The following KLRF2 variants were observed in gnomAD, a reference collection of about 807,000 sequenced individuals.
KLRF2 encodes the protein killer cell lectin like receptor F2, also known as killer cell lectin-like receptor subfamily F member 2.
A neutral mutation model predicts 25.3 loss-of-function variants in KLRF2; 28 were observed. The ratio of observed to expected loss-of-function variants is 1.11; its 90% CI spans 0.82 to 1.52. The LOEUF (loss-of-function observed/expected upper bound fraction) is 1.52. Among genes scored for constraint, KLRF2 ranks in the 40% most tolerant of loss-of-function variants. The pLI is 0.00. For missense variants in KLRF2, 265 were observed against 245.8 expected (o/e 1.08, Z -0.52); for synonymous variants, 73 against 85.0 (o/e 0.86, Z 0.78).
At chr12:9,885,436 T>A (rs185936144) in intron 2 of KLRF2, among the ~76,000 whole-genome samples, 7 of 151,982 alleles carry the variant, frequency 4.6e-5, no homozygotes, top group African/African-American at 1.7e-4. Flanking sequence ...CTGTAGCTAT[T>A]CTATTTGAAC....
chr12:9,894,570 G>A (rs1261218822), intron 5 of KLRF2, among the ~76,000 whole-genome samples: 1 of 152,272 alleles, frequency 6.6e-6, no homozygotes, highest in East Asian at 1.9e-4. Context: ...TTGCATGTAA[G>A]AGTGCTTTCA....
At chr12:9,882,231 CAT>C (rs1381484747) in intron 1 of KLRF2, among the ~76,000 whole-genome samples, 1 of 151,298 alleles carries the variant, frequency 6.6e-6, no homozygotes, top group Admixed American at 6.6e-5. Flanking sequence ...GTTAAGATGA[CAT>C]AGGCCAGAAA....
chr12:9,886,815 T>C (rs1354697649), intron 2 of KLRF2, among the ~76,000 whole-genome samples: 1 of 143,348 alleles, frequency 7.0e-6, no homozygotes, highest in Admixed American at 7.0e-5. Context: ...GTGAGATATA[T>C]AGATAGAGCC....
chr12:9,893,961 T>C (rs1159308667), intron 5 of KLRF2, among the ~76,000 whole-genome samples: 1 of 152,122 alleles, frequency 6.6e-6, no homozygotes, highest in Non-Finnish European at 1.5e-5. Flanking sequence ...TCAGAAAACA[T>C]GAATTTAAAA....
intron 2 of KLRF2, among the ~76,000 whole-genome samples, chr12:9,885,837 A>G (rs1290084524): frequency 6.6e-6 from 1 of 152,064 alleles, no homozygotes; most frequent in East Asian, 1.9e-4. Flanking sequence ...TTAACATTCA[A>G]TGTTAAACGA....
chr12:9,882,623 C>CA (rs755861924), intron 1 of KLRF2, among the ~76,000 whole-genome samples: 8 of 151,694 alleles, frequency 5.3e-5, no homozygotes, highest in African/African-American at 9.7e-5. Flanking sequence ...ACTAAAAATA[C>CA]AAAAAAAATT....
At chr12:9,885,277 A>G (rs995294672) in intron 2 of KLRF2, among the ~76,000 whole-genome samples, 1 of 151,712 alleles carries the variant, frequency 6.6e-6, no homozygotes, top group Non-Finnish European at 1.5e-5. Flanking sequence ...AAAGTAATGT[A>G]TCTTTACTAA....
At chr12:9,890,691 A>G (rs1052635059) in intron 3 of KLRF2, among the ~76,000 whole-genome samples, 2 of 152,258 alleles carry the variant, frequency 1.3e-5, no homozygotes, top group East Asian at 1.9e-4. Context: ...AGATTAACTC[A>G]AAATCAACAG....
chr12:9,890,776 T>G (rs1257843996), intron 3 of KLRF2, among the ~76,000 whole-genome samples: 1 of 152,220 alleles, frequency 6.6e-6, no homozygotes, highest in Non-Finnish European at 1.5e-5. Flanking sequence ...AAGTGATATT[T>G]CGTCATATTC....
chr12:9,889,359 G>T (rs1400876633), intron 3 of KLRF2, among the ~76,000 whole-genome samples: 1 of 152,016 alleles, frequency 6.6e-6, no homozygotes, highest in South Asian at 2.1e-4. Flanking sequence ...TCACTGGGAA[G>T]ATATTTTTTA....
rs1565523801 is a variant in KLRF2 at position 9,893,470 on chromosome 12, GA to G, written c.409del (p.Ile137LeufsTer15). ...NSLKPGHFGW[I>X]GLYVTFQGNL... ...GTTTAAAACCTGGACATTTTGGTTG[GA>G]TTGGACTATATGTTACATTCCAAGG... On this transcript the variant is annotated frameshift_variant, in exon 5 of 6. Coordinates refer to ENST00000535540, the MANE Select transcript of KLRF2 (RefSeq NM_001190765.1). LOFTEE classifies it high-confidence loss of function. 5 of 1,519,050 alleles carry G rather than the reference GA, an allele frequency of 3.3e-6. No individual in the cohort carries two copies. In the South Asian group the frequency reaches 6.0e-5, roughly 18 times the overall value. The allele number at this position is 1,519,050 out of a possible 1,614,324, so 94.1% of individuals were successfully genotyped here. A position where few individuals can be genotyped will look rare whatever the true frequency, so the allele number is the denominator to read the frequency against.
At chr12:9,882,251 T>C (rs1242318531) in intron 1 of KLRF2, among the ~76,000 whole-genome samples, 1 of 148,966 alleles carries the variant, frequency 6.7e-6, no homozygotes, top group African/African-American at 2.5e-5. Context: ...AAATTCAGAA[T>C]TACCAGTCGC....
intron 3 of KLRF2, among the ~76,000 whole-genome samples, chr12:9,889,430 G>A (rs566808876): frequency 6.6e-6 from 1 of 152,130 alleles, no homozygotes; most frequent in South Asian, 2.1e-4. Flanking sequence ...CCATAAAGTG[G>A]GTGGATCTTA....
At chr12:9,888,986 G>A (rs1283307011) in intron 3 of KLRF2, among the ~76,000 whole-genome samples, 1 of 151,934 alleles carries the variant, frequency 6.6e-6, no homozygotes, top group Non-Finnish European at 1.5e-5. Context: ...ATTTCTAGGA[G>A]GAAAAAAAAT....
intron 2 of KLRF2, among the ~76,000 whole-genome samples, chr12:9,887,500 A>G (rs1862612298): frequency 6.6e-6 from 1 of 152,124 alleles, no homozygotes; most frequent in Admixed American, 6.6e-5. Context: ...TCAAGTAAAT[A>G]TTTTTTCCAT....
intron 2 of KLRF2, among the ~76,000 whole-genome samples, chr12:9,885,718 A>T (rs1034525809): frequency 6.6e-6 from 1 of 151,986 alleles, no homozygotes; most frequent in African/African-American, 2.4e-5. Flanking sequence ...CTCAGACCAA[A>T]GATATATCCT....
intron 2 of KLRF2, among the ~76,000 whole-genome samples, chr12:9,886,249 C>G (rs577050719): frequency 6.6e-6 from 1 of 151,956 alleles, no homozygotes; most frequent in African/African-American, 2.4e-5. Context: ...TGGGTTTTGA[C>G]CAGTTTAAAA....
At chr12:9,890,053 C>T (rs1862655989) in intron 3 of KLRF2, among the ~76,000 whole-genome samples, 1 of 151,940 alleles carries the variant, frequency 6.6e-6, no homozygotes, top group African/African-American at 2.4e-5. Context: ...AATACATAAT[C>T]AATATTTTCC....
chr12:9,894,349 T>C (rs1862732676), intron 5 of KLRF2, among the ~76,000 whole-genome samples: 1 of 152,006 alleles, frequency 6.6e-6, no homozygotes, highest in South Asian at 2.1e-4. Context: ...ACCTGGCTAA[T>C]TTTTTGTATG....
Sources: allele counts gnomAD v4.1 joint callset (sites outside exome capture counted in the v4.1 genomes callset), GRCh38; gene constraint gnomAD v4.1.1; transcripts MANE v1.5; gene names NCBI Gene and HGNC (gene_info 2026-07-23, HGNC 2026-07-21).